Variants in HECW1 observed in about 807,000 individuals in gnomAD.
HECW1 encodes HECT, C2 and WW domain containing E3 ubiquitin protein ligase 1.
HECW1 carries 61 observed loss-of-function variants against 182.3 expected under a neutral mutation model. That is an observed-to-expected ratio of 0.33 (90% CI 0.27 to 0.41). The LOEUF (loss-of-function observed/expected upper bound fraction) is 0.41. Ranked by LOEUF, HECW1 falls within the 10% of genes least tolerant of loss-of-function variation. The pLI is 1.00. For missense variants in HECW1, 1,739 were observed against 2,108.9 expected, an observed-to-expected ratio of 0.82 and a Z score of 3.44; for synonymous variants, 859 against 832.6, an observed-to-expected ratio of 1.03 and a Z score of -0.55.
At chr7:43,550,054 T>C (rs974878038) in intron 26 of HECW1, among the ~76,000 whole-genome samples, 1 of 151,790 alleles carries the variant, frequency 6.6e-6, no homozygotes, top group African/African-American at 2.4e-5. Flanking sequence ...GGAGGATCAG[T>C]TAAGGCCAGG....
At chr7:43,515,851 A>G (rs529027676) in intron 24 of HECW1, among the ~76,000 whole-genome samples, 58 of 152,250 alleles carry the variant, frequency 3.8e-4, no homozygotes, top group Middle Eastern at 3.2e-3. Flanking sequence ...CCAAGTTAAA[A>G]TGCTCGCATA....
At chr7:43,263,915 T>C (rs1801456457) in intron 3 of HECW1, among the ~76,000 whole-genome samples, 1 of 152,204 alleles carries the variant, frequency 6.6e-6, no homozygotes, top group African/African-American at 2.4e-5. Context: ...AAAGTAATGA[T>C]AAAAATGCAC....
chr7:43,260,444 C>A (rs1801052242), intron 3 of HECW1, among the ~76,000 whole-genome samples: 2 of 152,124 alleles, frequency 1.3e-5, no homozygotes, highest in South Asian at 4.1e-4. Context: ...GCCACACTAG[C>A]CATTATAGGA....
At chr7:43,481,022 G>A (rs961465609) in intron 17 of HECW1, among the ~76,000 whole-genome samples, 8 of 152,176 alleles carry the variant, frequency 5.3e-5, no homozygotes, top group Admixed American at 6.5e-5. Flanking sequence ...GTCGTCTTAA[G>A]TATCATTGTT....
At chr7:43,211,018 G>T (rs113767906) in intron 2 of HECW1, among the ~76,000 whole-genome samples, 7 of 152,332 alleles carry the variant, frequency 4.6e-5, no homozygotes, top group African/African-American at 1.7e-4. Context: ...TTTGTATCCC[G>T]GTCATTGTAT....
chr7:43,382,593 C>T (rs2074601839), intron 6 of HECW1, among the ~76,000 whole-genome samples: 1 of 152,172 alleles, frequency 6.6e-6, no homozygotes, highest in Admixed American at 6.5e-5. Flanking sequence ...AGCTTAATCC[C>T]TCATTCAAGA....
At chr7:43,266,632 C>T (rs1014865321) in intron 3 of HECW1, among the ~76,000 whole-genome samples, 6 of 152,142 alleles carry the variant, frequency 3.9e-5, no homozygotes, top group African/African-American at 1.4e-4. Flanking sequence ...CCGTGCCCGG[C>T]CTCAGGAAAT....
At chr7:43,552,199 C>T in intron 27 of HECW1, 23 bp from the exon 28 acceptor site, 1 of 1,477,058 alleles carries the variant, frequency 6.8e-7, no homozygotes. Flanking sequence ...GACCTGGATG[C>T]TGAAGCCTAA....
At chr7:43,170,100 A>G (rs1226874100) in intron 2 of HECW1, among the ~76,000 whole-genome samples, 6 of 152,182 alleles carry the variant, frequency 3.9e-5, no homozygotes, top group Non-Finnish European at 7.3e-5. Context: ...AGCAAGCATT[A>G]CCGCTTGAGC....
intron 4 of HECW1, among the ~76,000 whole-genome samples, chr7:43,313,232 A>G (rs1441443427): frequency 6.6e-6 from 1 of 152,162 alleles, no homozygotes; most frequent in Non-Finnish European, 1.5e-5. Flanking sequence ...GCTGAACTGG[A>G]TTTCCAAAAG....
In HECW1 at chr7:43,479,664, C is replaced by G; in HGVS notation, c.3154C>G (p.Pro1052Ala). The G allele has an allele frequency of 1.2e-6, 2 of 1,614,056 alleles. No individual in the cohort carries two copies. The highest frequency in any genetic ancestry group is 1.7e-6 in the Non-Finnish European group (2 of 1,179,998). The change falls in exon 17 of 30, where the codon CCT (proline) becomes GCT (alanine). Residue 1052 changes from proline (P) to alanine (A), a missense_variant. Coordinates refer to ENST00000395891, the MANE Select transcript of HECW1 (RefSeq NM_015052.5). ...TACCACTTTCATTGACCCCCGAATC[C>G]CTCTTCAGAACGGTCGTCTTCCCAA... is the stretch of plus-strand genomic sequence containing the variant. ...RATTFIDPRI[P>A]LQNGRLPNHL...
intron 5 of HECW1, among the ~76,000 whole-genome samples, chr7:43,326,707 G>A (rs142715463): frequency 0.01 from 1,539 of 152,334 alleles, 13 homozygotes; most frequent in Non-Finnish European, 0.015. Context: ...TGGTGTCTTG[G>A]TGACAATTGA....
At chr7:43,509,749 C>T (rs1193524258) in intron 24 of HECW1, 1 of 152,292 alleles carries the variant, frequency 6.6e-6, no homozygotes, top group African/African-American at 2.4e-5. Flanking sequence ...GATGCAGGCA[C>T]TTTCCTGCTG....
In HECW1 at chr7:43,327,181, A is replaced by T. The variant is rs540761324; in HGVS notation, c.460+6439A>T. 2.7e-5 allele frequency among the ~76,000 whole-genome samples: 4 copies of T among 148,182 alleles called. No homozygotes were observed. In the East Asian group the frequency reaches 7.7e-4, roughly 29 times the overall value. ...AAGAAGGTTAAGTCTACATGAGGAG[A>T]CTGAACCCCACCTGTGCAACGTAAA... On this transcript the variant is annotated intron_variant, in intron 5 of 29. Coordinates refer to ENST00000395891, the MANE Select transcript of HECW1 (RefSeq NM_015052.5).
At chr7:43,527,701 T>C (rs2080814001) in intron 24 of HECW1, among the ~76,000 whole-genome samples, 1 of 152,210 alleles carries the variant, frequency 6.6e-6, no homozygotes, top group Non-Finnish European at 1.5e-5. Context: ...CCTCCCATCA[T>C]GGAAACCACC....
intron 2 of HECW1, among the ~76,000 whole-genome samples, chr7:43,236,176 T>C (rs1378003035): frequency 2.0e-5 from 3 of 152,190 alleles, no homozygotes; most frequent in Admixed American, 6.5e-5. Flanking sequence ...GGCATATGAA[T>C]GGAAAGAGCA....
At chr7:43,514,368 C>A (rs1247441580) in intron 24 of HECW1, among the ~76,000 whole-genome samples, 1 of 150,608 alleles carries the variant, frequency 6.6e-6, no homozygotes, top group African/African-American at 2.4e-5. Context: ...TTGCTCACTG[C>A]AACCTCCACC....
intron 4 of HECW1, 130 bp downstream of exon 4, chr7:43,312,217 G>T: frequency 2.4e-6 from 2 of 832,804 alleles, no homozygotes; most frequent in Non-Finnish European, 1.8e-6. Flanking sequence ...ACACACTGAA[G>T]ACCACTGTTG....
At chr7:43,489,108 T>C (rs1422103012) in intron 17 of HECW1, among the ~76,000 whole-genome samples, 3 of 152,164 alleles carry the variant, frequency 2.0e-5, no homozygotes, top group Non-Finnish European at 4.4e-5. Flanking sequence ...TTAGACACTT[T>C]CACTCAGGGC....
Sources: allele counts gnomAD v4.1 joint callset (sites outside exome capture counted in the v4.1 genomes callset), GRCh38; gene constraint gnomAD v4.1.1; transcripts MANE v1.5; gene names NCBI Gene and HGNC (gene_info 2026-07-23, HGNC 2026-07-21).